Variants in PCYOX1 observed in about 807,000 individuals in gnomAD.
PCYOX1 encodes prenylcysteine lyase.
Under a neutral mutation model 46.4 loss-of-function variants are expected in PCYOX1, and 46 were observed. The observed-to-expected ratio is 0.99, with a 90% CI of 0.78 to 1.27. PCYOX1 has a LOEUF of 1.27. Ranked by LOEUF, PCYOX1 falls within the 50% of genes most tolerant of loss-of-function variation. The pLI is 0.00. For missense variants in PCYOX1, 658 were observed against 628.3 expected, an observed-to-expected ratio of 1.05 and a Z score of -0.51; for synonymous variants, 220 against 231.8, an observed-to-expected ratio of 0.95 and a Z score of 0.46.
chr2:70,269,513 T>C (rs1276441915), intron 3 of PCYOX1, among the ~76,000 whole-genome samples: 1 of 152,028 alleles, frequency 6.6e-6, no homozygotes, highest in African/African-American at 2.4e-5. Flanking sequence ...TTTTTTGTGT[T>C]TTTAGTAGAG....
Position 70,277,575 on chromosome 2 carries a change from A to C in PCYOX1, c.*183A>C. On this transcript the variant is annotated 3_prime_UTR_variant, in exon 6 of 6. Transcript: ENST00000433351. Reference sequence around the variant, plus strand: ...TTAAGTGTGAAGGTATAGCTATTGCACTTATGCCATCTCCAAAATTTCTTA... The same window carrying C: ...TTAAGTGTGAAGGTATAGCTATTGCCCTTATGCCATCTCCAAAATTTCTTA... The C allele has an allele frequency of 1.9e-6, 1 of 526,560 alleles. No homozygotes were observed. The highest frequency in any genetic ancestry group is 3.3e-6 in the Non-Finnish European group (1 of 300,234). The allele number at this position is 526,560 out of a possible 1,614,324, so 32.6% of individuals were successfully genotyped here. A position where few individuals can be genotyped will look rare whatever the true frequency, so the allele number is the denominator to read the frequency against.
Position 70,274,964 on chromosome 2 carries a change from A to G in PCYOX1, c.500A>G (p.Tyr167Cys). ...EDVLDKFMRI[Y>C]RYQSHDYAFS... ...ATTTCTCTTCTTTTCCAAAGGATCT[A>G]CCGCTACCAGTCTCATGACTATGCC... Residue 167 changes from tyrosine (Y) to cysteine (C), a missense_variant, in exon 4 of 6, where the codon TAC becomes TGC. Transcript: ENST00000433351. 1 of 1,589,424 alleles carries G rather than the reference A, an allele frequency of 6.3e-7. No homozygotes were observed. The highest frequency in any genetic ancestry group is 8.6e-7 in the Non-Finnish European group (1 of 1,157,420).
In PCYOX1 at chr2:70,276,926, A is replaced by T; in HGVS notation, c.1052A>T (p.Glu351Val). The change falls in exon 6 of 6, where the codon GAA becomes GTA. Residue 351 changes from glutamate (E) to valine (V), a missense_variant. Physicochemically the swap from Glu to Val is moderately radical, Grantham distance 121 (BLOSUM62 -2). Transcript: ENST00000433351. Reference sequence around the variant, plus strand: ...ATAGTGACAACTTTAGTTAAGGGGGAATTGAATACATCTATCTTTAGCTCT... The same window carrying T: ...ATAGTGACAACTTTAGTTAAGGGGGTATTGAATACATCTATCTTTAGCTCT... ...QHIVTTLVKG[E>V]LNTSIFSSRP... 1.9e-6 allele frequency: 3 copies of T among 1,611,588 alleles called. No homozygotes were observed. The highest frequency in any genetic ancestry group is 2.5e-6 in the Non-Finnish European group (3 of 1,177,748).
In PCYOX1 at chr2:70,258,466, C is replaced by T. The variant is rs553076150; in HGVS notation, c.112+190C>T. Reference sequence around the variant, plus strand: ...CAGCTCTGGTCGGAATAGGACTGTGCATTCCCAGGCGTGGAGAGGTGCCCA... The same window carrying T: ...CAGCTCTGGTCGGAATAGGACTGTGTATTCCCAGGCGTGGAGAGGTGCCCA... On this transcript the variant is annotated intron_variant, in intron 1 of 5. Coordinates refer to ENST00000433351, the MANE Select transcript of PCYOX1 (RefSeq NM_016297.4). 174 of 322,742 alleles carry T rather than the reference C, an allele frequency of 5.4e-4. 5 individuals are homozygous for T. Among genetic ancestry groups the T allele is most frequent in the South Asian group, 5.1e-3 (167 of 32,888 alleles). The allele number at this position is 322,742 out of a possible 1,614,324, so 20.0% of individuals were successfully genotyped here. A position where few individuals can be genotyped will look rare whatever the true frequency, so the allele number is the denominator to read the frequency against.
At chr2:70,258,325 C>G (rs1344694142) in intron 1 of PCYOX1, 49 bp downstream of exon 1, 2 of 1,293,996 alleles carry the variant, frequency 1.5e-6, no homozygotes. Context: ...GCGCCCCGCG[C>G]CGGGCGGCCG....
intron 3 of PCYOX1, 167 bp from the exon 4 acceptor site, chr2:70,274,792 G>A: frequency 1.7e-6 from 1 of 604,308 alleles, no homozygotes; most frequent in South Asian, 1.9e-5. Flanking sequence ...TTGAACTCCT[G>A]ACCTCAGGTG....
intron 3 of PCYOX1, among the ~76,000 whole-genome samples, chr2:70,270,276 G>A (rs1272910815): frequency 6.6e-6 from 1 of 152,190 alleles, no homozygotes; most frequent in Non-Finnish European, 1.5e-5. Flanking sequence ...GATTACAGGT[G>A]TGAGCCACCA....
rs1206445799 is a variant in PCYOX1 at position 70,278,497 on chromosome 2, CACAG to C, written c.*1110_*1113del. The C allele has an allele frequency of 2.6e-5, 4 of 152,488 alleles. No homozygotes were observed. The highest frequency in any genetic ancestry group is 9.7e-5 in the African/African-American group (4 of 41,450). The allele number at this position is 152,488 out of a possible 1,614,324, so 9.4% of individuals were successfully genotyped here. On this transcript the variant is annotated 3_prime_UTR_variant, in exon 6 of 6. Transcript: ENST00000433351. The stretch of plus-strand genomic sequence containing the variant: ...CTTTAGAAGTAATCTTGATAATAAG[CACAG>C]ACAGCCTAACAGCAGAGGCAACTTA...
chr2:70,263,824 TA>T (rs1696474047), intron 3 of PCYOX1, among the ~76,000 whole-genome samples: 1 of 151,852 alleles, frequency 6.6e-6, no homozygotes, highest in South Asian at 2.1e-4. Context: ...CATGCCTGGT[TA>T]ATTTTTTGTA....
chr2:70,281,185 ACTT>A (rs1696771198), downstream of PCYOX1: 1 of 152,566 alleles, frequency 6.6e-6, no homozygotes, highest in Non-Finnish European at 1.5e-5. Flanking sequence ...CTACATCATT[ACTT>A]CTTGTCTTTT....
At chr2:70,272,159 C>T (rs1696610371) in intron 3 of PCYOX1, among the ~76,000 whole-genome samples, 1 of 145,600 alleles carries the variant, frequency 6.9e-6, no homozygotes, top group Non-Finnish European at 1.5e-5. Context: ...GGGAGTTTCA[C>T]TCTGTCACCA....
At chr2:70,258,132 C>T, upstream of PCYOX1, 2 of 1,524,726 alleles carry the variant, frequency 1.3e-6, no homozygotes, top group Non-Finnish European at 8.9e-7. Context: ...GACTGCGGGG[C>T]TCTTGAGGCC....
chr2:70,272,703 A>G (rs1268158920), intron 3 of PCYOX1, among the ~76,000 whole-genome samples: 1 of 151,464 alleles, frequency 6.6e-6, no homozygotes, highest in African/African-American at 2.4e-5. Context: ...TTCATTTATT[A>G]TTATTATTTT....
chr2:70,258,303 A>AGGTGCTGGAGCGCGCCCCGCGCCGGGC, intron 1 of PCYOX1, 27 bp downstream of exon 1: 1 of 1,449,302 alleles, frequency 6.9e-7, no homozygotes, highest in Non-Finnish European at 9.2e-7. Context: ...CGGCGCGGGA[A>AGGTGCTGGAGCGCGCCCCGCGCCGGGC]GGTGCTGGAG....
rs1696744884 is a variant in PCYOX1, at chr2:70,279,849, G to A, written c.*2457G>A. ...CTCACCAGCACTTTGGGAGGCTGAG[G>A]CAGGTGGATCTCTTGAGGTCGGGAG... is the stretch of plus-strand genomic sequence containing the variant. On this transcript the variant is annotated 3_prime_UTR_variant, in exon 6 of 6. Coordinates refer to ENST00000433351, the MANE Select transcript of PCYOX1 (RefSeq NM_016297.4). The A allele has an allele frequency of 6.6e-6, 1 of 151,824 alleles. No homozygotes were observed. The highest frequency in any genetic ancestry group is 2.1e-4 in the South Asian group (1 of 4,812). The allele number at this position is 151,824 out of a possible 1,614,324, so 9.4% of individuals were successfully genotyped here.
In PCYOX1 at chr2:70,275,100, C is replaced by T; in HGVS notation, c.636C>T (p.Phe212=). The T allele has an allele frequency of 6.2e-7, 1 of 1,614,152 alleles. No homozygotes were observed. The highest frequency in any genetic ancestry group is 1.7e-5 in the Admixed American group (1 of 60,016). ...AAAAGGCCGGCTTTTCTGAGAAGTT[C>T]CTCAATGAAATGATTGCTCCTGTTA... ...TLQKAGFSEK[F]LNEMIAPVMR... The change falls in exon 4 of 6, where the codon TTC becomes TTT. Residue 212 remains phenylalanine, a synonymous_variant. Transcript: ENST00000433351.
chr2:70,273,427 T>C (rs1696629037), intron 3 of PCYOX1, among the ~76,000 whole-genome samples: 2 of 152,242 alleles, frequency 1.3e-5, no homozygotes, highest in South Asian at 2.1e-4. Flanking sequence ...CTTATACTAC[T>C]ACTATGCTTT....
At chr2:70,263,501 T>C (rs1696469225) in intron 3 of PCYOX1, among the ~76,000 whole-genome samples, 1 of 152,076 alleles carries the variant, frequency 6.6e-6, no homozygotes. Context: ...ATATATATTC[T>C]AGTGGAGAGA....
chr2:70,263,091 C>T (rs1413687925), intron 3 of PCYOX1, among the ~76,000 whole-genome samples: 2 of 151,836 alleles, frequency 1.3e-5, no homozygotes, highest in Non-Finnish European at 2.9e-5. Context: ...AAAATTTAGC[C>T]GGCGTGGTGG....
Sources: gnomAD v4.1 joint callset for allele counts (sites outside exome capture counted in the v4.1 genomes callset) on GRCh38, gnomAD v4.1.1 for gene constraint, MANE v1.5 for transcripts, NCBI Gene and HGNC (gene_info 2026-07-23, HGNC 2026-07-21) for gene names.